The following DNMT3A variants were observed in gnomAD, a reference collection of about 807,000 sequenced individuals.
DNMT3A encodes DNA (cytosine-5)-methyltransferase 3A.
Under a neutral mutation model 117.6 loss-of-function variants are expected in DNMT3A, and 267 were observed. That is an observed-to-expected ratio of 2.27 (90% confidence interval 2.05 to 2.51). The LOEUF is 2.51. Ranked by LOEUF, DNMT3A falls within the 30% of genes most tolerant of loss-of-function variation. DNMT3A has a pLI of 0.00. For synonymous variants in DNMT3A, 432 were observed against 474.8 expected, an observed-to-expected ratio of 0.91 and a Z score of 1.17; for missense variants, 1,029 against 1,260.2, an observed-to-expected ratio of 0.82 and a Z score of 2.78.
intron 6 of DNMT3A, among the ~76,000 whole-genome samples, chr2:25,258,745 T>C (rs1022543394): frequency 6.6e-6 from 1 of 152,130 alleles, no homozygotes; most frequent in African/African-American, 2.4e-5. Flanking sequence ...AAACTAGGAA[T>C]GGGCACAACC....
At chr2:25,333,634 T>TGCAGGGTCTTACAGAGCA (rs2035097100) in intron 1 of DNMT3A, among the ~76,000 whole-genome samples, 1 of 152,116 alleles carries the variant, frequency 6.6e-6, no homozygotes, top group Non-Finnish European at 1.5e-5. Flanking sequence ...CCTGGCCACT[T>TGCAGGGTCTTACAGAGCA]GCAGGGTCTT....
Position 25,228,470 on chromosome 2 carries a change from ATTC to A in DNMT3A, c.*5806_*5808del, listed in dbSNP as rs1408765831. The A allele has an allele frequency of 6.6e-6, 1 of 152,012 alleles. No homozygotes were observed. Among genetic ancestry groups the A allele is most frequent in the African/African-American group, 2.4e-5 (1 of 41,402 alleles). 9.4% of individuals were successfully genotyped at this position (152,012 alleles called of 1,614,324 possible). ...TATTACCAAATCAGCTACGGAGTTTATTCTTCAGTATGAATACATGATTTCCCA... is the reference window on the plus strand; with the variant it reads ...TATTACCAAATCAGCTACGGAGTTTATTCAGTATGAATACATGATTTCCCA... On this transcript the variant is annotated 3_prime_UTR_variant, in exon 23 of 23. Transcript: ENST00000321117.
Position 25,246,302 on chromosome 2 carries a change from C to T in DNMT3A, c.1287G>A (p.Lys429=). 2 of 1,604,764 alleles carry T rather than the reference C, an allele frequency of 1.2e-6. No homozygotes were observed. The highest frequency in any genetic ancestry group is 1.7e-5 in the Admixed American group (1 of 58,704). ...CCGTGTACACTTCTTTGTAGGGATT[C>T]TTCTCTTCTGGAGGAGGAAAGCAGG... is the stretch of plus-strand genomic sequence containing the variant. ...PKGLEPPEEE[K]NPYKEVYTDM... Residue 429 remains lysine, a synonymous_variant, in exon 11 of 23, where the codon AAG becomes AAA. Transcript: ENST00000321117.
At chr2:25,244,383 C>T (rs372724854) in intron 14 of DNMT3A, 45 bp from the exon 15 acceptor site, 61 of 1,567,966 alleles carry the variant, frequency 3.9e-5, no homozygotes, top group Admixed American at 1.3e-4. Context: ...AGCCCTGGTC[C>T]GGGGAGGCCA....
rs1675091954 is a variant in DNMT3A at position 25,248,213 on chromosome 2, CA to C, written c.678del (p.Val227TrpfsTer89). 1 of 1,613,040 alleles carries C rather than the reference CA, an allele frequency of 6.2e-7. No individual in the cohort carries two copies. Among genetic ancestry groups the C allele is most frequent in the Non-Finnish European group, 8.5e-7 (1 of 1,179,744 alleles). ...KKAKVIAGMN[A>X]VEENQGPGES... ...TCCCCGGGCCCCTGGTTTTCTTCCA[CA>C]GCATTCATTCCTGCAATGACCTTGG... On this transcript the variant is annotated frameshift_variant, in exon 7 of 23. Transcript: ENST00000321117. LOFTEE classifies it high-confidence loss of function.
Position 25,246,292 on chromosome 2 carries a change from T to A in DNMT3A, c.1297A>T (p.Lys433Ter). ...ACCCACATGTCCGTGTACACTTCTT[T>A]GTAGGGATTCTTCTCTTCTGGAGGA... ...EPPEEEKNPYKEVYTDMWVEP... is the reference protein window; with the variant it reads ...EPPEEEKNPY Residue 433 changes from lysine (K) to a stop codon, truncating the protein, a stop_gained, in exon 11 of 23, where the codon AAA becomes TAA. Transcript: ENST00000321117. LOFTEE classifies it high-confidence loss of function. 1 of 1,610,150 alleles carries A rather than the reference T, an allele frequency of 6.2e-7. No homozygotes were observed.
Position 25,240,688 on chromosome 2 carries a change from GA to G in DNMT3A, c.2124del (p.Cys710AlafsTer69). ...WGPFDLVIGGSPCNDLSIVNP... is the reference protein window; with the variant it reads ...WGPFDLVIGGXPCNDLSIVNP... ...TTGACGATGGAGAGGTCATTGCAGGGACTGCCCCCAATCACCAGATCGAATG... is the reference window on the plus strand; with the variant it reads ...TTGACGATGGAGAGGTCATTGCAGGGCTGCCCCCAATCACCAGATCGAATG... On this transcript the variant is annotated frameshift_variant, in exon 18 of 23. Transcript: ENST00000321117. LOFTEE classifies it high-confidence loss of function. 1 of 1,614,244 alleles carries G rather than the reference GA, an allele frequency of 6.2e-7. No individual in the cohort carries two copies. Among genetic ancestry groups the G allele is most frequent in the Non-Finnish European group, 8.5e-7 (1 of 1,180,050 alleles).
At chr2:25,261,606 C>A (rs1442450039) in intron 6 of DNMT3A, among the ~76,000 whole-genome samples, 22 of 111,678 alleles carry the variant, frequency 2.0e-4, no homozygotes, top group African/African-American at 2.9e-4. Context: ...GACTCCGTCT[C>A]AAAAAAAAAA....
intron 3 of DNMT3A, among the ~76,000 whole-genome samples, chr2:25,284,251 C>T (rs972528855): frequency 1.4e-4 from 22 of 152,220 alleles, no homozygotes; most frequent in Admixed American, 1.3e-3. Context: ...ATCTCAGTTT[C>T]CCCACCTGTC....
At position 25,253,766 on chromosome 2, in the gene DNMT3A, C is replaced by T. The variant is rs569287955; in HGVS notation, c.640-5514G>A. ...CCACAGCAGAGGGCTATTTGGGCAG[C>T]GGCACTTGTTAGAAGATCTGGACTT... On this transcript the variant is annotated intron_variant, in intron 6 of 22. Transcript: ENST00000321117. 9.2e-5 allele frequency among the ~76,000 whole-genome samples: 14 copies of T among 152,270 alleles called. No individual in the cohort carries two copies. The South Asian group carries it at 2.5e-3, about 27-fold the overall frequency.
At chr2:25,318,186 C>T (rs1335463537) in intron 1 of DNMT3A, among the ~76,000 whole-genome samples, 1 of 152,138 alleles carries the variant, frequency 6.6e-6, no homozygotes, top group Non-Finnish European at 1.5e-5. Flanking sequence ...AACATCAGTA[C>T]CAAAATGGGG....
intron 2 of DNMT3A, 49 bp downstream of exon 2, chr2:25,313,864 G>GCTCTCC: frequency 6.5e-7 from 1 of 1,548,644 alleles, no homozygotes; most frequent in Non-Finnish European, 8.7e-7. Context: ...TAGGGACAGG[G>GCTCTCC]CTCTCCCTCT....
In DNMT3A at chr2:25,248,188, T is replaced by TC. The variant is rs1301352218; in HGVS notation, c.703dup (p.Glu235GlyfsTer18). ...GCTGGCCTCCTCCACCTTCTGAGAC[T>TC]CCCCGGGCCCCTGGTTTTCTTCCAC... On this transcript the variant is annotated frameshift_variant, in exon 7 of 23. Coordinates refer to ENST00000321117, the MANE Select transcript of DNMT3A (RefSeq NM_022552.5). LOFTEE classifies it high-confidence loss of function. 1 of 1,613,226 alleles carries TC rather than the reference T, an allele frequency of 6.2e-7. No homozygotes were observed. The highest frequency in any genetic ancestry group is 8.5e-7 in the Non-Finnish European group (1 of 1,179,796).
chr2:25,252,293 G>A lies in DNMT3A; in HGVS notation c.640-4041C>T. The A allele has an allele frequency of 8.4e-7, 1 of 1,187,854 alleles. No homozygotes were observed. Among genetic ancestry groups the A allele is most frequent in the Non-Finnish European group, 1.1e-6 (1 of 871,616 alleles). 73.6% of individuals were successfully genotyped at this position (1,187,854 alleles called of 1,614,324 possible). A position where few individuals can be genotyped will look rare whatever the true frequency, so the allele number is the denominator to read the frequency against. ...GCCCGTCTTGGGGGAGGGGAAGGGG[G>A]CGATGGGGCTGGGGGCGGAGGGGGC... On this transcript the variant is annotated intron_variant, in intron 6 of 22. Transcript: ENST00000321117. The surrounding 1 kb of genome is among the most constrained non-coding windows in gnomAD (Gnocchi z 5.5).
chr2:25,237,146 A>G lies in DNMT3A; in HGVS notation c.2409-141T>C. On this transcript the variant is annotated intron_variant, in intron 20 of 22. Coordinates refer to ENST00000321117, the MANE Select transcript of DNMT3A (RefSeq NM_022552.5). This position sits in a 1 kb window ranked among gnomAD's most constrained non-coding sequence, Gnocchi z 5.4. ...CTTCCCCAAATCACGCACACACGTC[A>G]TAACTCTCTTCAAACTCCCCGCAAA... The G allele has an allele frequency of 2.7e-6, 2 of 730,038 alleles. No individual in the cohort carries two copies. Among genetic ancestry groups the G allele is most frequent in the South Asian group, 3.7e-5 (2 of 54,110 alleles). 45.2% of individuals were successfully genotyped at this position (730,038 alleles called of 1,614,324 possible). A position where few individuals can be genotyped will look rare whatever the true frequency, so the allele number is the denominator to read the frequency against.
intron 6 of DNMT3A, among the ~76,000 whole-genome samples, chr2:25,256,632 GTTC>G (rs1676160732): frequency 6.6e-6 from 1 of 152,114 alleles, no homozygotes; most frequent in South Asian, 2.1e-4. Context: ...ATCCCAGAAA[GTTC>G]TTTTGACAGT....
rs1271595686 is a variant in DNMT3A at position 25,304,085 on chromosome 2, G to C, written c.73-3842C>G. 2.0e-5 allele frequency among the ~76,000 whole-genome samples: 3 copies of C among 152,166 alleles called. No individual in the cohort carries two copies. The highest frequency in any genetic ancestry group is 7.2e-5 in the African/African-American group (3 of 41,438). On this transcript the variant is annotated intron_variant, in intron 2 of 22. Coordinates refer to ENST00000321117, the MANE Select transcript of DNMT3A (RefSeq NM_022552.5). The surrounding 1 kb of genome is among the most constrained non-coding windows in gnomAD (Gnocchi z 4.3). Reference sequence around the variant, plus strand: ...CTGAAGAACAGTAACACAGTTCGCGGGAACAGATTTGAGCCCAGGTTGGTT... The same window carrying C: ...CTGAAGAACAGTAACACAGTTCGCGCGAACAGATTTGAGCCCAGGTTGGTT...
At chr2:25,288,928 C>G (rs1011534266) in intron 3 of DNMT3A, among the ~76,000 whole-genome samples, 1 of 152,158 alleles carries the variant, frequency 6.6e-6, no homozygotes, top group Non-Finnish European at 1.5e-5. Flanking sequence ...GCTGGCCCAG[C>G]CTTGCCCTGA....
At position 25,246,745 on chromosome 2, in the gene DNMT3A, G is replaced by A. The variant is rs775677376; in HGVS notation, c.1154C>T (p.Pro385Leu). Residue 385 changes from proline (P) to leucine (L), a missense_variant, in exon 10 of 23, where the codon CCG becomes CTG. Pro to Leu is a moderately conservative substitution (Grantham distance 98). Coordinates refer to ENST00000321117, the MANE Select transcript of DNMT3A (RefSeq NM_022552.5). ...VASSRAGKLF[P>L]VCHDSDESDT... ...ACTCTCATCGCTGTCGTGGCACACCGGGAACAGCTTCCCCGCGCGGCTGCT... is the reference window on the plus strand; with the variant it reads ...ACTCTCATCGCTGTCGTGGCACACCAGGAACAGCTTCCCCGCGCGGCTGCT... 1.1e-5 allele frequency: 17 copies of A among 1,613,610 alleles called. No homozygotes were observed. The highest frequency in any genetic ancestry group is 1.3e-5 in the Non-Finnish European group (15 of 1,179,964).
Sources: allele counts gnomAD v4.1 joint callset (sites outside exome capture counted in the v4.1 genomes callset), GRCh38; gene constraint gnomAD v4.1.1; non-coding constraint Gnocchi (gnomAD v3.1); transcripts MANE v1.5; gene names NCBI Gene and HGNC (gene_info 2026-07-23, HGNC 2026-07-21).